EXOC7: variants seen among roughly 807,000 people sequenced by gnomAD.
EXOC7 encodes the protein exocyst complex component 7, also known as exocyst complex component Exo70.
In EXOC7, 51 loss-of-function variants were observed where a neutral mutation model predicts 87.6. The observed-to-expected ratio is 0.58, with a 90% CI of 0.46 to 0.73. EXOC7 has a LOEUF of 0.73. Ranked by LOEUF, EXOC7 falls within the 30% of genes least tolerant of loss-of-function variation. EXOC7 has a pLI of 0.00. For missense variants in EXOC7, 744 were observed against 888.4 expected (o/e 0.84, Z 2.07); for synonymous variants, 327 against 357.1 (o/e 0.92, Z 0.95).
At position 76,081,552 on chromosome 17, in the gene EXOC7, T is replaced by TG. The variant is rs1320299818; in HGVS notation, c.*2095dup. ...TGACTTTTCCCCTTCCAGCTGAGGC[T>TG]GAAGAACACGGCGCTCAAGTCCATC... On this transcript the variant is annotated 3_prime_UTR_variant, in exon 19 of 19. Coordinates refer to ENST00000589210, the MANE Select transcript of EXOC7 (RefSeq NM_001013839.4). 5.0e-6 allele frequency: 8 copies of TG among 1,613,516 alleles called. No individual in the cohort carries two copies. In the Admixed American group the frequency reaches 1.3e-4, roughly 27 times the overall value.
In EXOC7 at chr17:76,081,440, G is replaced by A. The variant is rs1027914331; in HGVS notation, c.*2208C>T. The A allele has an allele frequency of 1.2e-6, 2 of 1,612,844 alleles. No homozygotes were observed. Among genetic ancestry groups the A allele is most frequent in the Non-Finnish European group, 1.7e-6 (2 of 1,179,580 alleles). ...GGGAGGAGGCCGACAGAGGGCTGCT[G>A]GAGGCGGGTGGGAGTGAGGATGCAC... On this transcript the variant is annotated 3_prime_UTR_variant, in exon 19 of 19. Coordinates refer to ENST00000589210, the MANE Select transcript of EXOC7 (RefSeq NM_001013839.4).
At position 76,086,127 on chromosome 17, in the gene EXOC7, G is replaced by A; in HGVS notation, c.1448C>T (p.Thr483Ile). The stretch of plus-strand genomic sequence containing the variant: ...CTTGCTGAACTCAGAGCTGTAGCTG[G>A]TGGCCGAAGAGCTGGTCTCTGTGAG... ...LASQETSSSA[T>I]SYSSEFSKRL... The change falls in exon 13 of 19, where the codon ACC becomes ATC. Residue 483 changes from threonine (T) to isoleucine (I), a missense_variant. Thr to Ile is a moderately conservative substitution (Grantham distance 89). Around this residue, in one of 3 missense-constraint regions of EXOC7, gnomAD observed 228 missense variants for 298.6 expected, o/e 0.76. Coordinates refer to ENST00000589210, the MANE Select transcript of EXOC7 (RefSeq NM_001013839.4). 4 of 1,613,858 alleles carry A rather than the reference G, an allele frequency of 2.5e-6. No individual in the cohort carries two copies. The highest frequency in any genetic ancestry group is 2.5e-6 in the Non-Finnish European group (3 of 1,180,022).
intron 6 of EXOC7, 167 bp from the exon 7 acceptor site, chr17:76,091,402 G>A (rs1419920840): frequency 1.7e-6 from 1 of 596,052 alleles, no homozygotes; most frequent in Admixed American, 3.0e-5. Flanking sequence ...ATGAAGGAAA[G>A]GAGTCATTTC....
rs908615983 is a variant in EXOC7 at position 76,084,239 on chromosome 17, C to A, written c.1818+9G>T. On this transcript the variant is annotated intron_variant, in intron 17 of 18. Transcript: ENST00000589210. ...AGCAAGCAGTGGAGGGGAGAGGACC[C>A]CGACTCACCTTAAAACGCTCCTTGA... The A allele has an allele frequency of 6.2e-7, 1 of 1,611,538 alleles. No homozygotes were observed. The highest frequency in any genetic ancestry group is 8.5e-7 in the Non-Finnish European group (1 of 1,178,452).
Position 76,089,463 on chromosome 17 carries a change from G to A in EXOC7, c.902-143C>T, listed in dbSNP as rs2067375508. 3.7e-6 allele frequency: 4 copies of A among 1,081,018 alleles called. No homozygotes were observed. The South Asian group carries it at 6.2e-5, about 17-fold the overall frequency. 67.0% of individuals were successfully genotyped at this position (1,081,018 alleles called of 1,614,324 possible). On this transcript the variant is annotated intron_variant, in intron 7 of 18. Coordinates refer to ENST00000589210, the MANE Select transcript of EXOC7 (RefSeq NM_001013839.4). ...AGGCTGACTGTTCTGGCAGAAAGCT[G>A]CAAGGGAGCCAGCAGGCCCCGCCAG...
At position 76,088,831 on chromosome 17, in the gene EXOC7, G is replaced by T. The variant is rs781028095; in HGVS notation, c.1140C>A (p.Thr380=). 1 of 1,613,766 alleles carries T rather than the reference G, an allele frequency of 6.2e-7. No homozygotes were observed. The highest frequency in any genetic ancestry group is 8.5e-7 in the Non-Finnish European group (1 of 1,180,042). Residue 380 remains threonine (T), a synonymous_variant, in exon 9 of 19, where the codon ACC becomes ACA. Coordinates refer to ENST00000589210, the MANE Select transcript of EXOC7 (RefSeq NM_001013839.4). ...IVRHDFSTVL[T]VFPILRHLKQ... ...TGAGGTGTCGCAGGATGGGGAAGAC[G>T]GTGAGCACCGTGGAGAAGTCGTGTC...
At chr17:76,088,409 A>G (rs1442401355) in intron 10 of EXOC7, 55 bp downstream of exon 10, 10 of 1,540,062 alleles carry the variant, frequency 6.5e-6, no homozygotes, top group Non-Finnish European at 8.9e-6. Flanking sequence ...CCCCAGGGCC[A>G]GGTCACTGTG....
At chr17:76,092,057 G>A (rs2067508387) in intron 6 of EXOC7, among the ~76,000 whole-genome samples, 1 of 152,206 alleles carries the variant, frequency 6.6e-6, no homozygotes, top group African/African-American at 2.4e-5. Context: ...CGGGCCAGAA[G>A]ACGTCGGGAA....
rs540217624 is a variant in EXOC7, at chr17:76,085,328, C to G, written c.1698G>C (p.Gln566His). Residue 566 changes from glutamine to histidine, a missense_variant, in exon 15 of 19, where the codon CAG becomes CAC. Physicochemically the swap from Gln to His is conservative, Grantham distance 24. Transcript: ENST00000589210. Reference sequence around the variant, plus strand: ...CAGCCTCTCACCTGCGCTGGTAGGTCTGGATCTGCTGCTCAATGTGCTCCC... The same window carrying G: ...CAGCCTCTCACCTGCGCTGGTAGGTGTGGATCTGCTGCTCAATGTGCTCCC... ...SYREHIEQQIQTYQRSWLKVT... is the reference protein window; with the variant it reads ...SYREHIEQQIHTYQRSWLKVT... 2 of 1,603,308 alleles carry G rather than the reference C, an allele frequency of 1.2e-6. No homozygotes were observed. Among genetic ancestry groups the G allele is most frequent in the East Asian group, 4.5e-5 (2 of 44,646 alleles).
chr17:76,096,512 A>AAAAT (rs2144673346), intron 5 of EXOC7, among the ~76,000 whole-genome samples: 1 of 67,222 alleles, frequency 1.5e-5, no homozygotes, highest in East Asian at 6.1e-4. Context: ...ACTCTGTCTC[A>AAAAT]AAAAAAAAAA....
intron 4 of EXOC7, 189 bp from the exon 5 acceptor site, chr17:76,098,207 G>T: frequency 1.8e-6 from 1 of 561,010 alleles, no homozygotes; most frequent in Non-Finnish European, 3.2e-6. Context: ...CACAATCTTG[G>T]CTCACTGCAA....
Position 76,081,489 on chromosome 17 carries a change from C to G in EXOC7, c.*2159G>C, listed in dbSNP as rs1174555152. 43 of 1,610,106 alleles carry G rather than the reference C, an allele frequency of 2.7e-5. No homozygotes were observed. The highest frequency in any genetic ancestry group is 3.6e-5 in the Non-Finnish European group (42 of 1,178,520). On this transcript the variant is annotated 3_prime_UTR_variant, in exon 19 of 19. Transcript: ENST00000589210. ...ACGGCCAGAGGCCAGGCCCCATGCCCCCGATGCCCACCTCCTTCCCCCCCG... is the reference window on the plus strand; with the variant it reads ...ACGGCCAGAGGCCAGGCCCCATGCCGCCGATGCCCACCTCCTTCCCCCCCG...
At position 76,082,103 on chromosome 17, in the gene EXOC7, G is replaced by A. The variant is rs1004920342; in HGVS notation, c.*1545C>T. 5.0e-5 allele frequency: 76 copies of A among 1,533,330 alleles called. No homozygotes were observed. The highest frequency in any genetic ancestry group is 6.6e-5 in the Non-Finnish European group (75 of 1,144,724). 95.0% of individuals were successfully genotyped at this position (1,533,330 alleles called of 1,614,324 possible). A position where few individuals can be genotyped will look rare whatever the true frequency, so the allele number is the denominator to read the frequency against. Reference sequence around the variant, plus strand: ...AGGCCTAGGTGCACACCTAGGGCTGGGGTGAGGGCACGGAGGTCCAGGTGT... The same window carrying A: ...AGGCCTAGGTGCACACCTAGGGCTGAGGTGAGGGCACGGAGGTCCAGGTGT... On this transcript the variant is annotated 3_prime_UTR_variant, in exon 19 of 19. Coordinates refer to ENST00000589210, the MANE Select transcript of EXOC7 (RefSeq NM_001013839.4).
chr17:76,087,819 G>T, intron 11 of EXOC7, 99 bp from the exon 12 acceptor site: 1 of 1,331,892 alleles, frequency 7.5e-7, no homozygotes. Context: ...CCCAGGGCTG[G>T]GATCCGCCCA....
At position 76,084,119 on chromosome 17, in the gene EXOC7, T is replaced by G. The variant is rs775293177; in HGVS notation, c.1839A>C (p.Glu613Asp). The G allele has an allele frequency of 1.9e-6, 3 of 1,603,114 alleles. No individual in the cohort carries two copies. Among genetic ancestry groups the G allele is most frequent in the Non-Finnish European group, 2.6e-6 (3 of 1,175,764 alleles). The change falls in exon 18 of 19, where the codon GAA (glutamate) becomes GAC (aspartate). Residue 613 changes from glutamate to aspartate, a missense_variant. This residue lies in a region of EXOC7 where 228 missense variants were observed against 298.6 expected (regional missense o/e 0.76). Transcript: ENST00000589210. ...AGGCCTTCTGGATTTTGCACAGTTC[T>G]TCGAGGCCATCATTGAAGCCCTGGC... ...ERFKGFNDGL[E>D]ELCKIQKAWA...
chr17:76,084,415 C>G, intron 16 of EXOC7, 102 bp downstream of exon 16: 11 of 1,560,454 alleles, frequency 7.0e-6, no homozygotes, highest in Non-Finnish European at 9.7e-6. Flanking sequence ...GCATCCTTTG[C>G]TCTCTGATCC....
rs1255056350 is a variant in EXOC7, at chr17:76,103,710, C to T, written c.-18G>A. ...GGAATCATCGCTCTGAACCCCGCGG[C>T]TCCCACTCCCCAGTATCTTTCCTCC... On this transcript the variant is annotated 5_prime_UTR_variant, in exon 1 of 19. Transcript: ENST00000589210. 8.8e-6 allele frequency: 14 copies of T among 1,597,426 alleles called. No homozygotes were observed. Among genetic ancestry groups the T allele is most frequent in the Non-Finnish European group, 1.2e-5 (14 of 1,172,796 alleles).
chr17:76,081,448 G>A lies in EXOC7; in HGVS notation c.*2200C>T. The A allele has an allele frequency of 4.3e-6, 7 of 1,612,466 alleles. No homozygotes were observed. The highest frequency in any genetic ancestry group is 5.9e-6 in the Non-Finnish European group (7 of 1,179,408). Reference sequence around the variant, plus strand: ...GCCGACAGAGGGCTGCTGGAGGCGGGTGGGAGTGAGGATGCACGGCCAGAG... The same window carrying A: ...GCCGACAGAGGGCTGCTGGAGGCGGATGGGAGTGAGGATGCACGGCCAGAG... On this transcript the variant is annotated 3_prime_UTR_variant, in exon 19 of 19. Transcript: ENST00000589210.
At chr17:76,087,886 T>C in intron 11 of EXOC7, 166 bp from the exon 12 acceptor site, 1 of 937,848 alleles carries the variant, frequency 1.1e-6, no homozygotes, top group Non-Finnish European at 1.6e-6. Context: ...AAAGGCCCTG[T>C]CTGCTAGAGA....
Sources: gnomAD v4.1 joint callset for allele counts (sites outside exome capture counted in the v4.1 genomes callset) on GRCh38, gnomAD v4.1.1 for gene constraint, gnomAD v4.1.1 regional missense constraint, MANE v1.5 for transcripts, NCBI Gene and HGNC (gene_info 2026-07-23, HGNC 2026-07-21) for gene names.